The following TJP1 variants were observed in gnomAD, a reference collection of about 807,000 sequenced individuals.
TJP1 encodes tight junction protein 1.
TJP1 carries 43 observed loss-of-function variants against 194.2 expected under a neutral mutation model. The ratio of observed to expected loss-of-function variants is 0.22; its 90% confidence interval spans 0.17 to 0.29. TJP1 has a LOEUF of 0.29. Ranked by LOEUF, TJP1 falls within the 10% of genes least tolerant of loss-of-function variation. The pLI is 1.00. For missense variants in TJP1, 1,971 were observed against 2,185.7 expected, an observed-to-expected ratio of 0.90 and a Z score of 1.96; for synonymous variants, 801 against 779.0, an observed-to-expected ratio of 1.03 and a Z score of -0.47.
At chr15:29,719,616 G>A (rs1439427316) in intron 20 of TJP1, among the ~76,000 whole-genome samples, 161 bp downstream of exon 20, 1 of 152,174 alleles carries the variant, frequency 6.6e-6, no homozygotes, top group Non-Finnish European at 1.5e-5. Flanking sequence ...TGGAAGCCAT[G>A]CAAACTACGA....
chr15:29,741,512 G>T, intron 9 of TJP1, 76 bp from the exon 10 acceptor site: 2 of 945,476 alleles, frequency 2.1e-6, no homozygotes, highest in South Asian at 2.9e-5. Context: ...AGCAATATAT[G>T]ATTCATAAGT....
intron 2 of TJP1, among the ~76,000 whole-genome samples, chr15:29,865,163 C>T (rs1420642997): frequency 6.6e-6 from 1 of 152,134 alleles, no homozygotes; most frequent in African/African-American, 2.4e-5. Context: ...CAAGAATAGA[C>T]TGTTTTTCTT....
intron 8 of TJP1, among the ~76,000 whole-genome samples, chr15:29,755,882 G>T (rs2045612069): frequency 6.6e-6 from 1 of 151,946 alleles, no homozygotes; most frequent in Admixed American, 6.6e-5. Flanking sequence ...AACTTTTACT[G>T]TAATAGAATT....
At position 29,745,608 on chromosome 15, in the gene TJP1, T is replaced by C. The variant is rs45448700; in HGVS notation, c.1011-2827A>G. ...GACTTACATTTGAAACACAGCTATA[T>C]CAGTAATCTGGTACTAGCCATTAAA... On this transcript the variant is annotated intron_variant, in intron 8 of 27. Coordinates refer to ENST00000614355, the MANE Select transcript of TJP1 (RefSeq NM_001330239.4). Among the ~76,000 whole-genome samples, 22 of 152,258 alleles carry C rather than the reference T, an allele frequency of 1.4e-4. No homozygotes were observed. The East Asian group carries it at 4.1e-3, about 28-fold the overall frequency.
intron 1 of TJP1, among the ~76,000 whole-genome samples, chr15:29,801,652 G>C (rs925997930): frequency 6.6e-5 from 10 of 151,072 alleles, no homozygotes; most frequent in Non-Finnish European, 1.2e-4. Context: ...TAGTACAGAC[G>C]GGGTTTCACC....
chr15:29,873,182 CAG>C (rs1160860622), intron 2 of TJP1, among the ~76,000 whole-genome samples: 2 of 152,212 alleles, frequency 1.3e-5, no homozygotes, highest in African/African-American at 2.4e-5. Flanking sequence ...CCCTGAAGGG[CAG>C]AGTGAGTGCT....
chr15:29,735,926 A>G (rs1338740981), intron 11 of TJP1, among the ~76,000 whole-genome samples: 1 of 152,192 alleles, frequency 6.6e-6, no homozygotes, highest in Non-Finnish European at 1.5e-5. Flanking sequence ...GACTTTGATT[A>G]CGAGCTGCTC....
intron 24 of TJP1, among the ~76,000 whole-genome samples, chr15:29,709,975 G>A (rs2042135831): frequency 6.6e-6 from 1 of 152,008 alleles, no homozygotes. Flanking sequence ...ATGAAACCCT[G>A]TCTCTACAAA....
chr15:29,765,423 A>C (rs917950749), intron 5 of TJP1, among the ~76,000 whole-genome samples: 1 of 152,182 alleles, frequency 6.6e-6, no homozygotes, highest in African/African-American at 2.4e-5. Flanking sequence ...TGCCCACAGA[A>C]GGAGCAAGCC....
At position 29,719,909 on chromosome 15, in the gene TJP1, C is replaced by T; in HGVS notation, c.2871G>A (p.Glu957=). The T allele has an allele frequency of 6.2e-7, 1 of 1,614,122 alleles. No individual in the cohort carries two copies. Among genetic ancestry groups the T allele is most frequent in the Non-Finnish European group, 8.5e-7 (1 of 1,180,022 alleles). ...AGGTGGAAGGAGCTGGGGTGGGCTCCTCCAGTCTGACATTAGTTAAATTTA... is the reference window on the plus strand; with the variant it reads ...AGGTGGAAGGAGCTGGGGTGGGCTCTTCCAGTCTGACATTAGTTAAATTTA... ...HNVNLTNVRL[E]EPTPAPSTSY... Residue 957 remains glutamate (E), a synonymous_variant, in exon 20 of 28, where the codon GAG becomes GAA. Transcript: ENST00000614355.
chr15:29,836,785 G>C (rs1015112615), intron 2 of TJP1, among the ~76,000 whole-genome samples: 1 of 152,104 alleles, frequency 6.6e-6, no homozygotes, highest in African/African-American at 2.4e-5. Flanking sequence ...AAAAGGGCTG[G>C]AGGGAGAGAG....
chr15:29,812,918 T>C (rs949989954), intron 1 of TJP1, among the ~76,000 whole-genome samples: 8 of 152,160 alleles, frequency 5.3e-5, no homozygotes, highest in African/African-American at 1.9e-4. Context: ...TTGATTTTTA[T>C]AGGTGATACA....
At position 29,892,956 on chromosome 15, in the gene TJP1, C is replaced by A. The variant is rs145835075; in HGVS notation, c.306+63276G>T. 9.8e-5 allele frequency among the ~76,000 whole-genome samples: 15 copies of A among 152,306 alleles called. No homozygotes were observed. The East Asian group carries it at 2.1e-3, about 22-fold the overall frequency. The stretch of plus-strand genomic sequence containing the variant: ...AAAAATACATTTTATGAGGCTATAG[C>A]TGCCATACATAGTGATTTCTCTGAT... On this transcript the variant is annotated intron_variant, in intron 2 of 28. Coordinates refer to the TJP1 transcript ENST00000356107.
intron 2 of TJP1, among the ~76,000 whole-genome samples, chr15:29,869,795 C>CTTTTTTTTTTTT (rs11318770): frequency 1.0e-3 from 56 of 56,062 alleles, no homozygotes; most frequent in Non-Finnish European, 1.2e-3. Flanking sequence ...TTCTTTCTTT[C>CTTTTTTTTTTTT]TTTTTTTTTT....
intron 1 of TJP1, among the ~76,000 whole-genome samples, chr15:29,961,326 T>C (rs1204643031): frequency 7.0e-6 from 1 of 143,328 alleles, no homozygotes; most frequent in African/African-American, 2.6e-5. Context: ...GTTTTACTTT[T>C]CCTAATTCTT....
Position 29,708,566 on chromosome 15 carries a change from G to T in TJP1, c.4843C>A (p.Pro1615Thr). ...NNISTVPKAI[P>T]VSPSAVEEDE... ...CAAAGGCATAAGTCTTACCTCACAGGAATAGCTTTAGGCACTGTGCTGATA... is the reference window on the plus strand; with the variant it reads ...CAAAGGCATAAGTCTTACCTCACAGTAATAGCTTTAGGCACTGTGCTGATA... Residue 1615 changes from proline (P) to threonine (T), a missense_variant, in exon 25 of 28, where the codon CCT becomes ACT. Around this residue, in one of 5 missense-constraint regions of TJP1, gnomAD observed 1,108 missense variants for 1,128.5 expected, o/e 0.98. Coordinates refer to ENST00000614355, the MANE Select transcript of TJP1 (RefSeq NM_001330239.4). 6.2e-7 allele frequency: 1 copy of T among 1,605,156 alleles called. No homozygotes were observed. Among genetic ancestry groups the T allele is most frequent in the Non-Finnish European group, 8.5e-7 (1 of 1,172,492 alleles).
intron 2 of TJP1, among the ~76,000 whole-genome samples, chr15:29,839,976 A>G (rs920112066): frequency 2.0e-5 from 3 of 152,336 alleles, no homozygotes; most frequent in Admixed American, 1.3e-4. Context: ...GGTTTTATTA[A>G]GAATTTGCAT....
intron 2 of TJP1, among the ~76,000 whole-genome samples, chr15:29,893,429 G>T (rs1384912633): frequency 6.6e-6 from 1 of 152,166 alleles, no homozygotes; most frequent in African/African-American, 2.4e-5. Flanking sequence ...AAGTCCTACC[G>T]TAGATCAAAT....
chr15:29,745,302 GA>G (rs55694243), intron 8 of TJP1, among the ~76,000 whole-genome samples: 34 of 135,906 alleles, frequency 2.5e-4, no homozygotes, highest in African/African-American at 8.1e-4. Context: ...CCAAAATATT[GA>G]AAAAAAAAAA....
Sources: gnomAD v4.1 joint callset for allele counts (sites outside exome capture counted in the v4.1 genomes callset) on GRCh38, gnomAD v4.1.1 for gene constraint, gnomAD v4.1.1 regional missense constraint, MANE v1.5 for transcripts, NCBI Gene and HGNC (gene_info 2026-07-23, HGNC 2026-07-21) for gene names.